The following GRB10 variants were observed in gnomAD, a reference collection of about 807,000 sequenced individuals.
GRB10 encodes the protein growth factor receptor-bound protein 10.
A neutral mutation model predicts 80.9 loss-of-function variants in GRB10; 20 were observed. The ratio of observed to expected loss-of-function variants is 0.25; its 90% confidence interval spans 0.17 to 0.36. The LOEUF is 0.36. Among genes scored for constraint, GRB10 ranks in the 10% least tolerant of loss-of-function variants. The pLI is 1.00. For synonymous variants in GRB10, 291 were observed against 291.5 expected, an observed-to-expected ratio of 1.00 and a Z score of 0.02; for missense variants, 548 against 747.7, an observed-to-expected ratio of 0.73 and a Z score of 3.12.
intron 3 of GRB10, among the ~76,000 whole-genome samples, chr7:50,742,265 GCGCGCGCACACACACACA>G (rs1349375999): frequency 1.5e-4 from 21 of 138,864 alleles, no homozygotes; most frequent in African/African-American, 5.0e-4. Flanking sequence ...ACGCGCACGC[GCGCGCGCACACACACACA>G]CACACACACA....
At chr7:50,658,126 C>A (rs1166420122) in intron 7 of GRB10, among the ~76,000 whole-genome samples, 2 of 152,180 alleles carry the variant, frequency 1.3e-5, no homozygotes, top group African/African-American at 4.8e-5. Context: ...GGTGGACCTG[C>A]CACATGCGCC....
intron 7 of GRB10, among the ~76,000 whole-genome samples, chr7:50,631,218 ACCT>A (rs1481228315): frequency 1.3e-5 from 2 of 152,062 alleles, no homozygotes; most frequent in African/African-American, 4.8e-5. Context: ...CATCCAAAAG[ACCT>A]CCTGACTGGC....
intron 2 of GRB10, among the ~76,000 whole-genome samples, chr7:50,763,466 A>G (rs2075997428): frequency 2.0e-5 from 3 of 152,222 alleles, no homozygotes; most frequent in Admixed American, 1.3e-4. Flanking sequence ...TGGGGGCAGC[A>G]GCTTTCAGAC....
chr7:50,720,292 A>G (rs1355583325), intron 4 of GRB10, among the ~76,000 whole-genome samples: 1 of 152,254 alleles, frequency 6.6e-6, no homozygotes, highest in African/African-American at 2.4e-5. Context: ...AGATGATAAT[A>G]ATAATAAATG....
rs540543395 is a variant in GRB10 at position 50,612,690 on chromosome 7, A to C, written c.1194+51T>G. On this transcript the variant is annotated intron_variant, in intron 13 of 18. Transcript: ENST00000401949. Reference sequence around the variant, plus strand: ...GAATAGACATCAAGTCCAGAGGCCAATTTTCCACGAAGAGATGTGCACTCA... The same window carrying C: ...GAATAGACATCAAGTCCAGAGGCCACTTTTCCACGAAGAGATGTGCACTCA... 4.6e-6 allele frequency: 6 copies of C among 1,299,228 alleles called. No individual in the cohort carries two copies. The African/African-American group carries it at 5.8e-5, about 13-fold the overall frequency. The allele number at this position is 1,299,228 out of a possible 1,614,324, so 80.5% of individuals were successfully genotyped here.
At chr7:50,618,477 A>G (rs888988750) in intron 9 of GRB10, among the ~76,000 whole-genome samples, 3 of 152,254 alleles carry the variant, frequency 2.0e-5, no homozygotes, top group Non-Finnish European at 2.9e-5. Context: ...TCCTGAAACT[A>G]AAAGGTAAGC....
intron 8 of GRB10, among the ~76,000 whole-genome samples, chr7:50,620,723 C>T (rs1425555380): frequency 6.6e-6 from 1 of 152,164 alleles, no homozygotes; most frequent in Non-Finnish European, 1.5e-5. Context: ...ATACGTGGCC[C>T]TCATGTCTCC....
intron 5 of GRB10, among the ~76,000 whole-genome samples, chr7:50,691,225 C>T (rs1563463048): frequency 6.6e-6 from 1 of 152,024 alleles, no homozygotes; most frequent in Non-Finnish European, 1.5e-5. Context: ...AGCCACTGAA[C>T]GATCGAGGAA....
intron 7 of GRB10, among the ~76,000 whole-genome samples, chr7:50,661,176 G>T (rs2059233669): frequency 1.3e-5 from 2 of 152,230 alleles, no homozygotes; most frequent in South Asian, 4.1e-4. Context: ...TGGGAGGCCA[G>T]GACTAGTTTT....
chr7:50,761,196 G>A (rs186368524), intron 2 of GRB10, among the ~76,000 whole-genome samples: 76 of 152,316 alleles, frequency 5.0e-4, no homozygotes, highest in African/African-American at 1.8e-3. Flanking sequence ...CAAGTCAACA[G>A]ATACCTGGAT....
chr7:50,624,215 A>G lies in GRB10; in HGVS notation c.661+2607T>C, dbSNP rs368990809. 4.6e-5 allele frequency among the ~76,000 whole-genome samples: 7 copies of G among 152,324 alleles called. No individual in the cohort carries two copies. The East Asian group carries it at 1.2e-3, about 25-fold the overall frequency. ...ACATCCCTGTGAGAATACCTGACATATAATTACCTGGGCAAGTGCTCTCTA... is the reference window on the plus strand; with the variant it reads ...ACATCCCTGTGAGAATACCTGACATGTAATTACCTGGGCAAGTGCTCTCTA... On this transcript the variant is annotated intron_variant, in intron 8 of 18. Transcript: ENST00000401949.
At chr7:50,786,637 T>C (rs1285571096), upstream of GRB10, among the ~76,000 whole-genome samples, 3 of 152,228 alleles carry the variant, frequency 2.0e-5, no homozygotes, top group Non-Finnish European at 2.9e-5. Flanking sequence ...TAGAAATCCA[T>C]ATTCAGACAA....
intron 13 of GRB10, chr7:50,606,657 T>G: frequency 9.3e-6 from 5 of 535,058 alleles, no homozygotes; most frequent in Middle Eastern, 5.2e-4. Context: ...ACTAGTGGCC[T>G]ACTGTTGACC....
chr7:50,792,325 T>TA, intron 1 of GRB10: 1 of 344,770 alleles, frequency 2.9e-6, no homozygotes, highest in East Asian at 4.3e-5. Context: ...CAGGACCCTG[T>TA]AAAAATCACC....
chr7:50,631,089 G>T (rs2053910995), intron 7 of GRB10, among the ~76,000 whole-genome samples: 1 of 152,116 alleles, frequency 6.6e-6, no homozygotes, highest in Admixed American at 6.5e-5. Context: ...TTGTGTGTGT[G>T]GGAGTCATTC....
chr7:50,790,247 A>G (rs906063919), intron 1 of GRB10, among the ~76,000 whole-genome samples: 7 of 152,214 alleles, frequency 4.6e-5, no homozygotes, highest in African/African-American at 1.2e-4. Flanking sequence ...TAGTATGCAA[A>G]CTCTGAAAGT....
Position 50,592,242 on chromosome 7 carries a change from G to C in GRB10, c.*710C>G, listed in dbSNP as rs1385817240. 6.5e-6 allele frequency: 1 copy of C among 154,868 alleles called. No individual in the cohort carries two copies. The highest frequency in any genetic ancestry group is 2.4e-5 in the African/African-American group (1 of 41,472). 9.6% of individuals were successfully genotyped at this position (154,868 alleles called of 1,614,324 possible). A position where few individuals can be genotyped will look rare whatever the true frequency, so the allele number is the denominator to read the frequency against. ...CAAGAGGATCTGACATCTGAGCATA[G>C]AGAAATGATTAACAGACTGTGGTTG... On this transcript the variant is annotated 3_prime_UTR_variant, in exon 19 of 19. Coordinates refer to ENST00000401949, the MANE Select transcript of GRB10 (RefSeq NM_001350814.2).
intron 7 of GRB10, among the ~76,000 whole-genome samples, chr7:50,628,648 C>T (rs866429176): frequency 7.9e-5 from 12 of 152,060 alleles, no homozygotes; most frequent in South Asian, 2.1e-4. Context: ...TCCCAGCAGA[C>T]GGGGGACCAG....
At chr7:50,688,760 T>A (rs907403590) in intron 5 of GRB10, among the ~76,000 whole-genome samples, 1 of 108,484 alleles carries the variant, frequency 9.2e-6, no homozygotes, top group Non-Finnish European at 1.7e-5. Flanking sequence ...AGGCAGGCAG[T>A]GAGTGACAAG....
Sources: allele counts gnomAD v4.1 joint callset (sites outside exome capture counted in the v4.1 genomes callset), GRCh38; gene constraint gnomAD v4.1.1; transcripts MANE v1.5; gene names NCBI Gene and HGNC (gene_info 2026-07-23, HGNC 2026-07-21).